JPT2: variants seen among roughly 807,000 people sequenced by gnomAD.
The protein encoded by JPT2 is Jupiter microtubule associated homolog 2.
A neutral mutation model predicts 15.9 loss-of-function variants in JPT2; 9 were observed. That is an observed-to-expected ratio of 0.57 (90% confidence interval 0.34 to 0.99). The LOEUF (loss-of-function observed/expected upper bound fraction) is 0.99, where lower values mean the gene tolerates loss of function less well. JPT2 is among the 50% of genes least tolerant of loss of function. The pLI is 0.02. For missense variants in JPT2, 267 were observed against 252.1 expected (o/e 1.06, Z -0.40); for synonymous variants, 95 against 91.7 (o/e 1.04, Z -0.21).
At chr16:1,688,460 A>G (rs1415099378) in intron 2 of JPT2, 1 of 152,252 alleles carries the variant, frequency 6.6e-6, no homozygotes, top group Non-Finnish European at 1.5e-5. Context: ...ATGATATATG[A>G]GTTTAAAATA....
chr16:1,693,650 A>G (rs894948047), intron 3 of JPT2, among the ~76,000 whole-genome samples: 5 of 152,184 alleles, frequency 3.3e-5, no homozygotes, highest in Admixed American at 3.3e-4. Context: ...GAAACAGAGT[A>G]GAGCTTTCTT....
Position 1,700,615 on chromosome 16 carries a change from C to G in JPT2, c.*1617C>G, listed in dbSNP as rs956748461. ...TTTGTCAACCAAAGACAGCTTCCCC[C>G]TTTTGATTGCCTGTAGACTTTGGAG... On this transcript the variant is annotated 3_prime_UTR_variant, in exon 5 of 5. Transcript: ENST00000248098. The G allele has an allele frequency of 6.1e-6, 1 of 164,578 alleles. No homozygotes were observed. Among genetic ancestry groups the G allele is most frequent in the Non-Finnish European group, 1.4e-5 (1 of 73,882 alleles). The allele number at this position is 164,578 out of a possible 1,614,324, so 10.2% of individuals were successfully genotyped here. A position where few individuals can be genotyped will look rare whatever the true frequency, so the allele number is the denominator to read the frequency against.
In JPT2 at chr16:1,698,586, C is replaced by T. The variant is rs2037159087; in HGVS notation, c.386-225C>T. The stretch of plus-strand genomic sequence containing the variant: ...TTAGGAAGAAATCAAGGAGTATTTA[C>T]AGTAGCAAGCCCCAACTTTATGCCC... On this transcript the variant is annotated intron_variant, in intron 4 of 4. Coordinates refer to ENST00000248098, the MANE Select transcript of JPT2 (RefSeq NM_144570.3). The surrounding 1 kb of genome is among the most constrained non-coding windows in gnomAD (Gnocchi z 4.9). Among the ~76,000 whole-genome samples the T allele has an allele frequency of 6.6e-6, 1 of 152,220 alleles. No homozygotes were observed. Among genetic ancestry groups the T allele is most frequent in the Non-Finnish European group, 1.5e-5 (1 of 68,038 alleles).
Position 1,698,709 on chromosome 16 carries a change from TC to T in JPT2, c.386-101del. ...CTCTTTCCCAGTTACAGCATGAATT[TC>T]TTGCAGGTTGCTCTATGACACACTT... On this transcript the variant is annotated intron_variant, in intron 4 of 4. Coordinates refer to ENST00000248098, the MANE Select transcript of JPT2 (RefSeq NM_144570.3). This position sits in a 1 kb window ranked among gnomAD's most constrained non-coding sequence, Gnocchi z 4.9. 3.5e-6 allele frequency: 4 copies of T among 1,135,470 alleles called. No individual in the cohort carries two copies. The highest frequency in any genetic ancestry group is 4.9e-6 in the Non-Finnish European group (4 of 808,688). 70.3% of individuals were successfully genotyped at this position (1,135,470 alleles called of 1,614,324 possible).
intron 2 of JPT2, among the ~76,000 whole-genome samples, chr16:1,687,892 C>T (rs1311152168): frequency 6.6e-6 from 1 of 152,212 alleles, no homozygotes; most frequent in Non-Finnish European, 1.5e-5. Flanking sequence ...AGCCCCACAG[C>T]CCTCTAGTTG....
In JPT2 at chr16:1,699,954, T is replaced by C. The variant is rs2037169692; in HGVS notation, c.*956T>C. ...TTAATTGGTTGGTGGAAAGAAGAGA[T>C]GCTTGGGAACCTTGGGTTCTTAGGT... On this transcript the variant is annotated 3_prime_UTR_variant, in exon 5 of 5. Transcript: ENST00000248098. 1 of 286,786 alleles carries C rather than the reference T, an allele frequency of 3.5e-6. No individual in the cohort carries two copies. The highest frequency in any genetic ancestry group is 3.1e-5 in the South Asian group (1 of 32,672). The allele number at this position is 286,786 out of a possible 1,614,324, so 17.8% of individuals were successfully genotyped here.
rs188974684 is a variant in JPT2, at chr16:1,699,576, C to T, written c.*578C>T. On this transcript the variant is annotated 3_prime_UTR_variant, in exon 5 of 5. Coordinates refer to ENST00000248098, the MANE Select transcript of JPT2 (RefSeq NM_144570.3). ...AAAAAACCAAATAATAATAGTTATC[C>T]GTCTTCTACTTCATGGAAGATTGTT... 2.2e-5 allele frequency: 7 copies of T among 321,570 alleles called. No homozygotes were observed. The highest frequency in any genetic ancestry group is 1.1e-4 in the African/African-American group (5 of 46,482). 19.9% of individuals were successfully genotyped at this position (321,570 alleles called of 1,614,324 possible). A position where few individuals can be genotyped will look rare whatever the true frequency, so the allele number is the denominator to read the frequency against.
intron 3 of JPT2, among the ~76,000 whole-genome samples, chr16:1,693,796 GA>G (rs1342738987): frequency 1.3e-5 from 2 of 151,618 alleles, no homozygotes; most frequent in Non-Finnish European, 2.9e-5. Context: ...AGAAAATGAG[GA>G]AGCCCTTACA....
In JPT2 at chr16:1,698,761, G is replaced by T; in HGVS notation, c.386-50G>T. 1 of 1,548,386 alleles carries T rather than the reference G, an allele frequency of 6.5e-7. No homozygotes were observed. The highest frequency in any genetic ancestry group is 2.3e-5 in the East Asian group (1 of 44,152). On this transcript the variant is annotated intron_variant, in intron 4 of 4. Coordinates refer to ENST00000248098, the MANE Select transcript of JPT2 (RefSeq NM_144570.3). The surrounding 1 kb of genome is among the most constrained non-coding windows in gnomAD (Gnocchi z 4.9). ...TTTATTTCCACAGCCTGCCTGTCAGGGTCATGGGTTGCCTCTAATGGGATG... is the reference window on the plus strand; with the variant it reads ...TTTATTTCCACAGCCTGCCTGTCAGTGTCATGGGTTGCCTCTAATGGGATG...
Position 1,699,121 on chromosome 16 carries a change from G to C in JPT2, c.*123G>C. On this transcript the variant is annotated 3_prime_UTR_variant, in exon 5 of 5. Coordinates refer to ENST00000248098, the MANE Select transcript of JPT2 (RefSeq NM_144570.3). The stretch of plus-strand genomic sequence containing the variant: ...GGGTTAGTCTTATGTGAGCCTGGCT[G>C]CTCAGCGTCTCCTGGCCGTCATGAC... 2.0e-6 allele frequency: 2 copies of C among 1,014,308 alleles called. No individual in the cohort carries two copies. Among genetic ancestry groups the C allele is most frequent in the African/African-American group, 1.6e-5 (1 of 63,658 alleles). 62.8% of individuals were successfully genotyped at this position (1,014,308 alleles called of 1,614,324 possible). A position where few individuals can be genotyped will look rare whatever the true frequency, so the allele number is the denominator to read the frequency against.
rs772236422 is a variant in JPT2 at position 1,691,960 on chromosome 16, G to A, written c.311G>A (p.Arg104His). 15 of 1,614,054 alleles carry A rather than the reference G, an allele frequency of 9.3e-6. No homozygotes were observed. The highest frequency in any genetic ancestry group is 8.0e-5 in the African/African-American group (6 of 74,922). The part of the protein sequence containing the change: ...IFGSPVTATS[R>H]LAHPNKPKDH... ...GGGTCTCCGGTCACTGCCACTTCAC[G>A]CTTGGCACACCCAAACAAACCCAAG... Residue 104 changes from arginine to histidine, a missense_variant, in exon 3 of 5, where the codon CGC (arginine) becomes CAC (histidine). Transcript: ENST00000248098.
chr16:1,697,983 C>T (rs949595502), intron 4 of JPT2, 123 bp downstream of exon 4: 18 of 832,820 alleles, frequency 2.2e-5, no homozygotes, highest in Admixed American at 4.3e-5. Context: ...CTGATTAAAA[C>T]GAGCTCAGGT....
At chr16:1,682,533 A>G (rs1406696802) in intron 1 of JPT2, among the ~76,000 whole-genome samples, 1 of 152,134 alleles carries the variant, frequency 6.6e-6, no homozygotes, top group Non-Finnish European at 1.5e-5. Flanking sequence ...TTAGCTGGGC[A>G]TGGTGGCGGG....
At chr16:1,681,217 T>C (rs2037020450) in intron 1 of JPT2, among the ~76,000 whole-genome samples, 1 of 152,080 alleles carries the variant, frequency 6.6e-6, no homozygotes. Context: ...TGTTGAAAGG[T>C]CTATTGAACG....
intron 2 of JPT2, among the ~76,000 whole-genome samples, chr16:1,691,302 G>A (rs2037102183): frequency 6.6e-6 from 1 of 152,178 alleles, no homozygotes; most frequent in Admixed American, 6.5e-5. Context: ...CAACAAAGAT[G>A]TTACATGTGT....
At chr16:1,687,575 C>T (rs1426477338) in intron 2 of JPT2, among the ~76,000 whole-genome samples, 5 of 152,114 alleles carry the variant, frequency 3.3e-5, no homozygotes, top group African/African-American at 7.2e-5. Context: ...GGAAGGCAGG[C>T]GGTACCACTT....
intron 1 of JPT2, chr16:1,680,410 C>T (rs1263724554): frequency 1.7e-6 from 2 of 1,152,620 alleles, no homozygotes; most frequent in Non-Finnish European, 2.2e-6. Context: ...CCCTGGGGGA[C>T]TGGTTTCTGG....
In JPT2 at chr16:1,693,542, G is replaced by A. The variant is rs142285498; in HGVS notation, c.336+1557G>A. 3.5e-3 allele frequency among the ~76,000 whole-genome samples: 528 copies of A among 152,282 alleles called. 3 individuals are homozygous for A. The highest frequency in any genetic ancestry group is 0.011 in the African/African-American group (461 of 41,566). ...TAAAGCACTCGAATTAGCCGGACAC[G>A]AGAGCAAGGTGCTTCCTGCTGAGAC... On this transcript the variant is annotated intron_variant, in intron 3 of 4. Transcript: ENST00000248098.
At chr16:1,692,092 G>A in intron 3 of JPT2, 107 bp downstream of exon 3, 1 of 1,389,938 alleles carries the variant, frequency 7.2e-7, no homozygotes, top group Non-Finnish European at 9.9e-7. Context: ...AATCATGGTG[G>A]GTGCCGTAGA....
Sources: gnomAD v4.1 joint callset for allele counts (sites outside exome capture counted in the v4.1 genomes callset) on GRCh38, gnomAD v4.1.1 for gene constraint, Gnocchi (gnomAD v3.1) non-coding constraint, MANE v1.5 for transcripts, NCBI Gene and HGNC (gene_info 2026-07-23, HGNC 2026-07-21) for gene names.